Variants in IL1RAPL2 observed in about 807,000 individuals in gnomAD.
IL1RAPL2 encodes the protein interleukin 1 receptor accessory protein like 2, also known as X-linked interleukin-1 receptor accessory protein-like 2.
In IL1RAPL2, 3 loss-of-function variants were observed where a neutral mutation model predicts 44.1. The observed-to-expected ratio is 0.07, with a 90% CI of 0.03 to 0.18. The LOEUF (loss-of-function observed/expected upper bound fraction) is 0.18, where lower values mean the gene tolerates loss of function less well. Ranked by LOEUF, IL1RAPL2 falls within the 10% of genes least tolerant of loss-of-function variation. The pLI, the probability that IL1RAPL2 is intolerant of heterozygous loss-of-function variation, is 1.00. For synonymous variants in IL1RAPL2, 181 were observed against 178.8 expected (o/e 1.01, Z -0.10); for missense variants, 391 against 496.4 (o/e 0.79, Z 2.02).
intron 2 of IL1RAPL2, among the ~76,000 whole-genome samples, chrX:104,720,829 G>A (rs759108606): frequency 9.0e-6 from 1 of 111,350 alleles, no homozygotes; most frequent in Admixed American, 9.6e-5. Flanking sequence ...AACACTGTCA[G>A]TCCAACTGCC....
intron 2 of IL1RAPL2, among the ~76,000 whole-genome samples, chrX:104,857,464 A>G (rs973891795): frequency 2.7e-5 from 3 of 111,967 alleles, no homozygotes; most frequent in Admixed American, 9.5e-5. Context: ...TGTATTTACT[A>G]TTTCAAAAAT....
At chrX:105,030,314 C>G (rs1223363728) in intron 2 of IL1RAPL2, among the ~76,000 whole-genome samples, 1 of 110,824 alleles carries the variant, frequency 9.0e-6, no homozygotes, top group African/African-American at 3.3e-5. Context: ...ACATGAAGTC[C>G]TTGCCCATGC....
At chrX:105,260,125 T>C (rs1350838356) in intron 4 of IL1RAPL2, among the ~76,000 whole-genome samples, 1 of 112,101 alleles carries the variant, frequency 8.9e-6, no homozygotes, top group African/African-American at 3.2e-5. Context: ...AGGAATGGGA[T>C]TGGGGACCTG....
At position 104,994,536 on chromosome X, in the gene IL1RAPL2, AATATT is replaced by A. The variant is rs1432313476; in HGVS notation, c.83-200937_83-200933del. Among the ~76,000 whole-genome samples, 3 of 111,729 alleles carry A rather than the reference AATATT, an allele frequency of 2.7e-5. No individual in the cohort carries two copies. In the Admixed American group the frequency reaches 2.9e-4, roughly 11 times the overall value. ...TCTTTATAAATTGTACCTCAATAAA[AATATT>A]AAATAAGCAAACAGAATAAGGGCAA... On this transcript the variant is annotated intron_variant, in intron 2 of 10. Transcript: ENST00000372582.
intron 2 of IL1RAPL2, among the ~76,000 whole-genome samples, chrX:104,876,858 T>G (rs1357177935): frequency 9.2e-6 from 1 of 109,111 alleles, no homozygotes; most frequent in Non-Finnish European, 1.9e-5. Flanking sequence ...TAGGTATATC[T>G]CCCAATGCTA....
intron 2 of IL1RAPL2, among the ~76,000 whole-genome samples, chrX:105,016,524 G>T (rs1477189303): frequency 2.7e-5 from 3 of 111,358 alleles, no homozygotes; most frequent in South Asian, 3.7e-4. Context: ...TTAGCATGAA[G>T]GGCTGTTGAA....
chrX:105,147,859 A>G (rs147198704), intron 2 of IL1RAPL2, among the ~76,000 whole-genome samples: 64 of 111,511 alleles, frequency 5.7e-4, no homozygotes, highest in African/African-American at 2.1e-3. Flanking sequence ...GTATATACCT[A>G]GAACGAGAAT....
chrX:105,545,197 C>T (rs2036783066), intron 6 of IL1RAPL2, among the ~76,000 whole-genome samples: 3 of 112,087 alleles, frequency 2.7e-5, no homozygotes, highest in African/African-American at 9.7e-5. Context: ...GTGTCATTTC[C>T]TTTCAGCATT....
At chrX:105,478,563 A>C (rs935972787) in intron 5 of IL1RAPL2, among the ~76,000 whole-genome samples, 3 of 111,426 alleles carry the variant, frequency 2.7e-5, no homozygotes, top group East Asian at 2.8e-4. Flanking sequence ...TTAAAAAAAA[A>C]CAACAAAACC....
chrX:105,252,968 A>G (rs897205323), intron 4 of IL1RAPL2, among the ~76,000 whole-genome samples: 2 of 111,290 alleles, frequency 1.8e-5, no homozygotes, highest in African/African-American at 6.5e-5. Flanking sequence ...GTGTTTTCAC[A>G]TCTGTGTGCT....
chrX:105,505,061 T>C (rs768405745), intron 6 of IL1RAPL2, among the ~76,000 whole-genome samples: 3 of 111,513 alleles, frequency 2.7e-5, no homozygotes, highest in Non-Finnish European at 5.7e-5. Context: ...TCTTGTTCTG[T>C]CTAGAGCCAT....
intron 2 of IL1RAPL2, among the ~76,000 whole-genome samples, chrX:104,664,352 G>A (rs762992366): frequency 1.8e-5 from 2 of 110,872 alleles, no homozygotes; most frequent in East Asian, 5.7e-4. Flanking sequence ...GGGAGTTCCA[G>A]CCATTTTAAA....
intron 2 of IL1RAPL2, among the ~76,000 whole-genome samples, chrX:105,147,808 G>A (rs1443109872): frequency 9.0e-6 from 1 of 111,550 alleles, no homozygotes; most frequent in Non-Finnish European, 1.9e-5. Flanking sequence ...GAATATTCAT[G>A]TACAAGTTTT....
intron 5 of IL1RAPL2, among the ~76,000 whole-genome samples, chrX:105,424,512 C>G (rs1393947724): frequency 9.2e-6 from 1 of 108,516 alleles, no homozygotes; most frequent in African/African-American, 3.4e-5. Context: ...ATTTTGGGGC[C>G]CCAAGATTTA....
intron 4 of IL1RAPL2, among the ~76,000 whole-genome samples, chrX:105,254,239 G>T (rs1243800760): frequency 9.0e-6 from 1 of 111,633 alleles, no homozygotes; most frequent in East Asian, 2.8e-4. Context: ...TTTAGTAATA[G>T]CTATCCGACT....
chrX:104,662,284 G>A (rs991321593), intron 2 of IL1RAPL2, among the ~76,000 whole-genome samples: 2 of 111,980 alleles, frequency 1.8e-5, no homozygotes, highest in Admixed American at 9.5e-5. Flanking sequence ...CCTGGCTTGG[G>A]AAACAGCAAA....
At chrX:104,880,149 T>A (rs886605232) in intron 2 of IL1RAPL2, among the ~76,000 whole-genome samples, 2 of 111,463 alleles carry the variant, frequency 1.8e-5, no homozygotes, top group Non-Finnish European at 3.8e-5. Context: ...AGTCATCTCC[T>A]CTGACAATTA....
intron 2 of IL1RAPL2, among the ~76,000 whole-genome samples, chrX:105,139,224 A>G (rs1002440183): frequency 1.8e-5 from 2 of 112,141 alleles, no homozygotes; most frequent in African/African-American, 6.5e-5. Context: ...CACTGTGTGT[A>G]AAAGGACAAA....
chrX:105,145,454 G>GA (rs1236456069), intron 2 of IL1RAPL2, among the ~76,000 whole-genome samples: 1 of 111,572 alleles, frequency 9.0e-6, no homozygotes. Flanking sequence ...AAGGAGGCAG[G>GA]TTGGTTAAGA....
Sources: allele counts gnomAD v4.1 joint callset (sites outside exome capture counted in the v4.1 genomes callset), GRCh38; gene constraint gnomAD v4.1.1; transcripts MANE v1.5; gene names NCBI Gene and HGNC (gene_info 2026-07-23, HGNC 2026-07-21).